Variants in AFG1L observed in about 807,000 individuals in gnomAD.
The protein encoded by AFG1L is AFG1-like ATPase.
AFG1L carries 53 observed loss-of-function variants against 62.2 expected under a neutral mutation model. The observed-to-expected ratio is 0.85, with a 90% CI of 0.68 to 1.07. AFG1L has a LOEUF of 1.07. Ranked by LOEUF, AFG1L falls within the 50% of genes least tolerant of loss-of-function variation. AFG1L has a pLI of 0.00. For missense variants in AFG1L, 555 were observed against 590.5 expected (o/e 0.94, Z 0.62); for synonymous variants, 228 against 210.3 (o/e 1.08, Z -0.73).
chr6:108,334,646 C>G (rs112553586), intron 2 of AFG1L, among the ~76,000 whole-genome samples: 1 of 151,838 alleles, frequency 6.6e-6, no homozygotes, highest in African/African-American at 2.4e-5. Context: ...GCAATGCAAT[C>G]TTTTCCTCTT....
At chr6:108,491,089 A>G (rs1169321561) in intron 10 of AFG1L, among the ~76,000 whole-genome samples, 2 of 152,260 alleles carry the variant, frequency 1.3e-5, no homozygotes, top group African/African-American at 2.4e-5. Context: ...ATATGTGTGT[A>G]CAGATACACA....
chr6:108,317,196 A>G (rs577246375), intron 1 of AFG1L, among the ~76,000 whole-genome samples: 1 of 152,236 alleles, frequency 6.6e-6, no homozygotes, highest in Non-Finnish European at 1.5e-5. Flanking sequence ...GGCAAAATCA[A>G]TCCCCTGAGA....
Position 108,333,238 on chromosome 6 carries a change from C to T in AFG1L, c.363+9190C>T, listed in dbSNP as rs147799913. ...CAACCTGGCCAACATGGTGAAACCC[C>T]GTCTGTACTAAAAATACAAAAATTA... On this transcript the variant is annotated intron_variant, in intron 2 of 12. Coordinates refer to ENST00000368977, the MANE Select transcript of AFG1L (RefSeq NM_145315.5). 9.2e-3 allele frequency among the ~76,000 whole-genome samples: 1,404 copies of T among 152,022 alleles called. 6 individuals are homozygous for T. The highest frequency in any genetic ancestry group is 0.015 in the Non-Finnish European group (1,045 of 67,984).
intron 11 of AFG1L, among the ~76,000 whole-genome samples, chr6:108,514,312 T>C (rs1020600826): frequency 6.6e-6 from 1 of 152,166 alleles, no homozygotes; most frequent in Non-Finnish European, 1.5e-5. Context: ...TGGCAGAAAC[T>C]ACAAGCCAGA....
intron 7 of AFG1L, among the ~76,000 whole-genome samples, chr6:108,420,462 T>C (rs1352358389): frequency 6.7e-6 from 1 of 149,512 alleles, no homozygotes; most frequent in Non-Finnish European, 1.5e-5. Flanking sequence ...ATATATTCCA[T>C]ATATGTTTGG....
rs897522527 is a variant in AFG1L at position 108,413,540 on chromosome 6, A to G, written c.807+11486A>G. Reference sequence around the variant, plus strand: ...AAGTAAAGCACTCCTCAGCAAATGTAAAAGAACAGAAATTACAACAAACTG... The same window carrying G: ...AAGTAAAGCACTCCTCAGCAAATGTGAAAGAACAGAAATTACAACAAACTG... On this transcript the variant is annotated intron_variant, in intron 7 of 12. Transcript: ENST00000368977. Among the ~76,000 whole-genome samples the G allele has an allele frequency of 4.6e-4, 70 of 152,322 alleles. 1 individual carries two copies. The highest frequency in any genetic ancestry group is 6.8e-4 in the Non-Finnish European group (46 of 68,030).
intron 8 of AFG1L, among the ~76,000 whole-genome samples, chr6:108,450,591 C>A (rs949539462): frequency 5.9e-5 from 9 of 152,268 alleles, no homozygotes; most frequent in Non-Finnish European, 1.0e-4. Context: ...TGTGCAGAAG[C>A]GCTTTAGTTT....
chr6:108,389,669 T>G (rs1364167130), intron 6 of AFG1L, among the ~76,000 whole-genome samples: 2 of 152,208 alleles, frequency 1.3e-5, no homozygotes, highest in Non-Finnish European at 2.9e-5. Context: ...AATTCTGGGT[T>G]GAAAATTCTT....
chr6:108,399,916 C>G lies in AFG1L; in HGVS notation c.749-2080C>G, dbSNP rs921261956. ...ACCTCAACTTCCTGAGTAGCTGGGG[C>G]TACAGGCACATGCCACCACGCCTGG... On this transcript the variant is annotated intron_variant, in intron 6 of 12. Coordinates refer to ENST00000368977, the MANE Select transcript of AFG1L (RefSeq NM_145315.5). Among the ~76,000 whole-genome samples the G allele has an allele frequency of 1.5e-4, 23 of 151,084 alleles. 1 individual carries two copies. The highest frequency in any genetic ancestry group is 5.6e-4 in the African/African-American group (23 of 41,076).
chr6:108,354,286 A>C (rs1779183562), intron 3 of AFG1L, among the ~76,000 whole-genome samples: 1 of 152,072 alleles, frequency 6.6e-6, no homozygotes, highest in Non-Finnish European at 1.5e-5. Flanking sequence ...AACCTCACAT[A>C]GTACTGAACC....
intron 7 of AFG1L, among the ~76,000 whole-genome samples, chr6:108,439,565 C>T (rs1197131461): frequency 6.6e-6 from 1 of 152,120 alleles, no homozygotes; most frequent in African/African-American, 2.4e-5. Flanking sequence ...AGGCAAAATT[C>T]TATGGTGCTA....
rs572913500 is a variant in AFG1L at position 108,522,788 on chromosome 6, C to T, written c.*363C>T. ...TCAAGCTTTGGCTGCATGGTGGTGG[C>T]ATGTTAGAAATACATCTTTTATAAT... On this transcript the variant is annotated 3_prime_UTR_variant, in exon 13 of 13. Coordinates refer to ENST00000368977, the MANE Select transcript of AFG1L (RefSeq NM_145315.5). The T allele has an allele frequency of 1.1e-3, 179 of 157,944 alleles. 1 individual carries two copies. The highest frequency in any genetic ancestry group is 3.3e-3 in the Middle Eastern group (1 of 304). The allele number at this position is 157,944 out of a possible 1,614,324, so 9.8% of individuals were successfully genotyped here.
intron 7 of AFG1L, among the ~76,000 whole-genome samples, chr6:108,440,713 G>T (rs1771508503): frequency 6.6e-6 from 1 of 151,774 alleles, no homozygotes; most frequent in South Asian, 2.1e-4. Context: ...CCAGCTACTT[G>T]GGAGGCTGAG....
At chr6:108,437,574 A>G (rs1227499715) in intron 7 of AFG1L, among the ~76,000 whole-genome samples, 1 of 152,226 alleles carries the variant, frequency 6.6e-6, no homozygotes, top group South Asian at 2.1e-4. Context: ...TTAGATAAAC[A>G]TAGAAAATGT....
In AFG1L at chr6:108,500,171, CGTGTGTGT is replaced by C. The variant is rs61654685; in HGVS notation, c.1063-10008_1063-10001del. On this transcript the variant is annotated intron_variant, in intron 10 of 12. Transcript: ENST00000368977. ...GCTGTGTAGTATTCCATGGTGCGTG[CGTGTGTGT>C]GTGTGTGTGTGTGTGTGTGTGTGTG... 2.8e-3 allele frequency among the ~76,000 whole-genome samples: 374 copies of C among 135,140 alleles called. 7 individuals are homozygous for C. The East Asian group carries it at 0.063, about 23-fold the overall frequency. The allele number at this position is 135,140 out of a possible 152,430, so 88.7% of individuals were successfully genotyped here.
chr6:108,509,642 C>T (rs890286896), intron 10 of AFG1L, among the ~76,000 whole-genome samples: 1 of 152,080 alleles, frequency 6.6e-6, no homozygotes, highest in African/African-American at 2.4e-5. Context: ...TCTTTAACTC[C>T]CCACCGCACT....
chr6:108,416,136 G>A (rs1053753771), intron 7 of AFG1L, among the ~76,000 whole-genome samples: 1 of 152,174 alleles, frequency 6.6e-6, no homozygotes. Context: ...CTTCTCAAAA[G>A]AAGACATTTA....
chr6:108,344,882 C>A, intron 2 of AFG1L: 1 of 456,920 alleles, frequency 2.2e-6, no homozygotes, highest in Non-Finnish European at 4.5e-6. Context: ...TTCTATTTTG[C>A]TTCATCTCCA....
At chr6:108,446,784 G>A (rs1771824174) in intron 7 of AFG1L, among the ~76,000 whole-genome samples, 1 of 152,014 alleles carries the variant, frequency 6.6e-6, no homozygotes, top group South Asian at 2.1e-4. Flanking sequence ...AATTACAGGC[G>A]TGAACCACCA....
Sources: allele counts gnomAD v4.1 joint callset (sites outside exome capture counted in the v4.1 genomes callset), GRCh38; gene constraint gnomAD v4.1.1; transcripts MANE v1.5; gene names NCBI Gene and HGNC (gene_info 2026-07-23, HGNC 2026-07-21).